Variants in SCAI observed in about 807,000 individuals in gnomAD.
SCAI encodes the protein protein SCAI.
SCAI carries 24 observed loss-of-function variants against 92.2 expected under a neutral mutation model. The observed-to-expected ratio is 0.26, with a 90% CI of 0.19 to 0.37. SCAI has a LOEUF of 0.37. Ranked by LOEUF, SCAI falls within the 10% of genes least tolerant of loss-of-function variation. SCAI has a pLI of 1.00. For synonymous variants in SCAI, 261 were observed against 258.6 expected, an observed-to-expected ratio of 1.01 and a Z score of -0.09; for missense variants, 450 against 736.2, an observed-to-expected ratio of 0.61 and a Z score of 4.50.
intron 2 of SCAI, among the ~76,000 whole-genome samples, chr9:125,090,868 C>T (rs1254600448): frequency 1.3e-5 from 2 of 152,040 alleles, no homozygotes; most frequent in Non-Finnish European, 2.9e-5. Context: ...CCTGTAATCC[C>T]AGCACTTTGG....
intron 15 of SCAI, among the ~76,000 whole-genome samples, chr9:124,972,668 C>A (rs1831682841): frequency 6.6e-6 from 1 of 152,158 alleles, no homozygotes; most frequent in Non-Finnish European, 1.5e-5. Flanking sequence ...CAACTCAAAG[C>A]AAATTATTTC....
chr9:125,061,113 C>T (rs981271483), intron 2 of SCAI, among the ~76,000 whole-genome samples: 2 of 152,020 alleles, frequency 1.3e-5, no homozygotes, highest in East Asian at 2.0e-4. Context: ...GTGGCTAACA[C>T]GATGAAACCC....
chr9:125,091,173 A>C lies in SCAI; in HGVS notation c.99-35166T>G, dbSNP rs563186213. On this transcript the variant is annotated intron_variant, in intron 2 of 17. Coordinates refer to ENST00000336505, the MANE Select transcript of SCAI (RefSeq NM_001144877.3). The surrounding 1 kb of genome is among the most constrained non-coding windows in gnomAD (Gnocchi z 4.3). ...TCCAACAGATGCAATACCAGGGTTC[A>C]AAAATGGTGGCAACAGCATCCGGAA... 2.0e-4 allele frequency among the ~76,000 whole-genome samples: 30 copies of C among 152,340 alleles called. No homozygotes were observed. In the South Asian group the frequency reaches 3.9e-3, roughly 20 times the overall value.
At chr9:125,016,733 G>C (rs1832768149) in intron 9 of SCAI, among the ~76,000 whole-genome samples, 1 of 151,944 alleles carries the variant, frequency 6.6e-6, no homozygotes, top group Non-Finnish European at 1.5e-5. Flanking sequence ...AAGAAAATCT[G>C]ACCCATACTT....
chr9:124,946,757 ACT>A lies in SCAI; in HGVS notation c.*6048_*6049del, dbSNP rs1831150170. ...GCACACCATGCATCTAATATTAAAA[ACT>A]CTACTTCATGTGCGAATATATCATC... On this transcript the variant is annotated 3_prime_UTR_variant, in exon 18 of 18. Transcript: ENST00000336505. The surrounding 1 kb of genome is among the most constrained non-coding windows in gnomAD (Gnocchi z 4.0). The A allele has an allele frequency of 6.6e-6, 1 of 151,982 alleles. No homozygotes were observed. Among genetic ancestry groups the A allele is most frequent in the Non-Finnish European group, 1.5e-5 (1 of 68,004 alleles). The allele number at this position is 151,982 out of a possible 1,614,324, so 9.4% of individuals were successfully genotyped here. A position where few individuals can be genotyped will look rare whatever the true frequency, so the allele number is the denominator to read the frequency against.
intron 9 of SCAI, among the ~76,000 whole-genome samples, chr9:125,010,193 G>A (rs985390357): frequency 2.0e-5 from 3 of 152,236 alleles, no homozygotes; most frequent in African/African-American, 7.2e-5. Flanking sequence ...GACAGTGGGT[G>A]CAGCGCACCG....
intron 2 of SCAI, among the ~76,000 whole-genome samples, chr9:125,097,902 T>G (rs1304373485): frequency 3.3e-5 from 5 of 151,780 alleles, no homozygotes; most frequent in Non-Finnish European, 7.4e-5. Context: ...CTTATATGTA[T>G]ATATTCTTAC....
chr9:125,026,448 A>G (rs1429107215), intron 6 of SCAI, among the ~76,000 whole-genome samples: 2 of 152,108 alleles, frequency 1.3e-5, no homozygotes. Context: ...CCTACATGAC[A>G]GTTGTCACCA....
At chr9:125,014,158 C>A (rs1470566563) in intron 9 of SCAI, among the ~76,000 whole-genome samples, 1 of 152,108 alleles carries the variant, frequency 6.6e-6, no homozygotes, top group Admixed American at 6.6e-5. Context: ...CTATTCAACA[C>A]AGTGTTGGAA....
chr9:125,128,348 G>A (rs1464038745), intron 2 of SCAI, among the ~76,000 whole-genome samples: 2 of 151,870 alleles, frequency 1.3e-5, no homozygotes, highest in African/African-American at 2.4e-5. Flanking sequence ...GGCCGGGTGC[G>A]GTGGCCCACA....
At chr9:125,074,278 ATAG>A (rs1244847195) in intron 2 of SCAI, among the ~76,000 whole-genome samples, 2 of 140,034 alleles carry the variant, frequency 1.4e-5, no homozygotes, top group African/African-American at 5.5e-5. Context: ...AAAAAAAAAG[ATAG>A]AGTCTCGCTC....
rs1428676073 is a variant in SCAI at position 124,943,165 on chromosome 9, G to A, written c.*9642C>T. On this transcript the variant is annotated 3_prime_UTR_variant, in exon 18 of 18. Coordinates refer to ENST00000336505, the MANE Select transcript of SCAI (RefSeq NM_001144877.3). The stretch of plus-strand genomic sequence containing the variant: ...AAGCAATTTAGAACACAACTGACAA[G>A]ACTTTTACAATACCACAAATGTTCA... 2 of 152,174 alleles carry A rather than the reference G, an allele frequency of 1.3e-5. No individual in the cohort carries two copies. Among genetic ancestry groups the A allele is most frequent in the Non-Finnish European group, 2.9e-5 (2 of 68,020 alleles). 9.4% of individuals were successfully genotyped at this position (152,174 alleles called of 1,614,324 possible).
chr9:124,995,706 G>T (rs895782622), intron 13 of SCAI, among the ~76,000 whole-genome samples: 3 of 152,068 alleles, frequency 2.0e-5, no homozygotes, highest in Non-Finnish European at 1.5e-5. Flanking sequence ...GCCCAGGCTG[G>T]TCTCGAACTC....
At chr9:125,133,525 T>C (rs1231461082) in intron 2 of SCAI, among the ~76,000 whole-genome samples, 1 of 152,176 alleles carries the variant, frequency 6.6e-6, no homozygotes, top group Non-Finnish European at 1.5e-5. Flanking sequence ...GTTATATGAA[T>C]GGCAAATTAG....
chr9:125,121,896 G>T (rs536234533), intron 2 of SCAI, among the ~76,000 whole-genome samples: 1 of 152,164 alleles, frequency 6.6e-6, no homozygotes, highest in African/African-American at 2.4e-5. Context: ...AAAATGCTAT[G>T]AACATCTATA....
intron 14 of SCAI, among the ~76,000 whole-genome samples, chr9:124,991,560 C>T (rs971733079): frequency 4.6e-5 from 7 of 151,720 alleles, no homozygotes; most frequent in African/African-American, 1.7e-4. Flanking sequence ...ACTTGCAGGT[C>T]GGGCATGGTG....
At chr9:125,079,762 T>TAA (rs111415984) in intron 2 of SCAI, among the ~76,000 whole-genome samples, 32 of 148,676 alleles carry the variant, frequency 2.2e-4, no homozygotes, top group African/African-American at 2.5e-4. Flanking sequence ...GTTGGTGACT[T>TAA]AAAAAAAAAA....
rs561643201 is a variant in SCAI at position 125,090,440 on chromosome 9, C to T, written c.99-34433G>A. Among the ~76,000 whole-genome samples the T allele has an allele frequency of 3.2e-4, 47 of 147,300 alleles. 1 individual carries two copies. Among genetic ancestry groups the T allele is most frequent in the Admixed American group, 1.1e-3 (16 of 14,604 alleles). Reference sequence around the variant, plus strand: ...AGGAGGAGGAAGAAAGAGTAAGGAGCGATGGAGAGATGAGGAAGAGGAAGG... The same window carrying T: ...AGGAGGAGGAAGAAAGAGTAAGGAGTGATGGAGAGATGAGGAAGAGGAAGG... On this transcript the variant is annotated intron_variant, in intron 2 of 17. Coordinates refer to ENST00000336505, the MANE Select transcript of SCAI (RefSeq NM_001144877.3).
At chr9:125,131,021 G>A (rs1835388944) in intron 2 of SCAI, among the ~76,000 whole-genome samples, 1 of 137,714 alleles carries the variant, frequency 7.3e-6, no homozygotes, top group Admixed American at 8.1e-5. Context: ...CTGGGCTCAA[G>A]TGATGCTCCT....
Sources: allele counts gnomAD v4.1 joint callset (sites outside exome capture counted in the v4.1 genomes callset), GRCh38; gene constraint gnomAD v4.1.1; non-coding constraint Gnocchi (gnomAD v3.1); transcripts MANE v1.5; gene names NCBI Gene and HGNC (gene_info 2026-07-23, HGNC 2026-07-21).